Variants in CCL18 observed in about 807,000 individuals in gnomAD.
CCL18 encodes the protein C-C motif chemokine 18.
A neutral mutation model predicts 8.0 loss-of-function variants in CCL18; 7 were observed. The ratio of observed to expected loss-of-function variants is 0.87; its 90% CI spans 0.50 to 1.64. The LOEUF (loss-of-function observed/expected upper bound fraction) is 1.64. Ranked by LOEUF, CCL18 falls within the 40% of genes most tolerant of loss-of-function variation. The pLI is 0.00. For synonymous variants in CCL18, 35 were observed against 41.3 expected, an observed-to-expected ratio of 0.85 and a Z score of 0.59; for missense variants, 95 against 107.8, an observed-to-expected ratio of 0.88 and a Z score of 0.52.
intron 2 of CCL18, 104 bp from the exon 3 acceptor site, chr17:36,070,847 C>A: frequency 1.1e-6 from 1 of 891,404 alleles, no homozygotes; most frequent in Non-Finnish European, 1.9e-6. Flanking sequence ...ATTTTACGGG[C>A]ACGAGGACAG....
At chr17:36,064,475 C>T (rs1262675242) in intron 1 of CCL18, 66 bp downstream of exon 1, 1 of 1,262,658 alleles carries the variant, frequency 7.9e-7, no homozygotes, top group Admixed American at 1.9e-5. Context: ...CTTCCAAGTG[C>T]TGTGGCCTGA....
At chr17:36,067,541 G>T (rs1317324109) in intron 1 of CCL18, among the ~76,000 whole-genome samples, 3 of 152,098 alleles carry the variant, frequency 2.0e-5, no homozygotes, top group Non-Finnish European at 4.4e-5. Context: ...ACAAAAATTA[G>T]CTGGGCATAG....
rs371835115 is a variant in CCL18, at chr17:36,066,252, TA to T, written c.67+1847del. 5.5e-3 allele frequency among the ~76,000 whole-genome samples: 843 copies of T among 152,270 alleles called. 4 individuals carry two copies. The highest frequency in any genetic ancestry group is 0.011 in the East Asian group (56 of 5,186). Reference sequence around the variant, plus strand: ...TGTCCAGAGCATAGGGAAACAACTCTAAAATGAAGAAAGGACAAGGGTCAAG... The same window carrying T: ...TGTCCAGAGCATAGGGAAACAACTCTAAATGAAGAAAGGACAAGGGTCAAG... On this transcript the variant is annotated intron_variant, in intron 1 of 2. Transcript: ENST00000616054.
chr17:36,066,425 G>A (rs932043365), intron 1 of CCL18, among the ~76,000 whole-genome samples: 2 of 152,278 alleles, frequency 1.3e-5, no homozygotes, highest in East Asian at 1.9e-4. Context: ...CACCTACATC[G>A]TTCTGGGGTC....
At chr17:36,065,144 C>A (rs1279425719) in intron 1 of CCL18, among the ~76,000 whole-genome samples, 1 of 152,172 alleles carries the variant, frequency 6.6e-6, no homozygotes, top group East Asian at 1.9e-4. Flanking sequence ...ATTATAAAAC[C>A]AGTGGTGAGC....
intron 2 of CCL18, 152 bp downstream of exon 2, chr17:36,070,710 C>A (rs376716343): frequency 1.5e-6 from 1 of 648,002 alleles, no homozygotes. Flanking sequence ...CTGGGGCCTG[C>A]AGAGTCCTGA....
At chr17:36,070,602 G>A in intron 2 of CCL18, 44 bp downstream of exon 2, 1 of 1,244,452 alleles carries the variant, frequency 8.0e-7, no homozygotes, top group African/African-American at 1.5e-5. Context: ...GGGAGGATGG[G>A]AGGTTTGGGG....
rs551475525 is a variant in CCL18 at position 36,071,898 on chromosome 17, A to C, written c.*857A>C. ...GTCTAGCAAGGACTCCTTACCTGGAAGTTGCTGAAAGCCTTGGTAATGTTA... is the reference window on the plus strand; with the variant it reads ...GTCTAGCAAGGACTCCTTACCTGGACGTTGCTGAAAGCCTTGGTAATGTTA... On this transcript the variant is annotated 3_prime_UTR_variant, in exon 3 of 3. Transcript: ENST00000616054. The C allele has an allele frequency of 6.6e-6, 1 of 152,220 alleles. No individual in the cohort carries two copies. Among genetic ancestry groups the C allele is most frequent in the Non-Finnish European group, 1.5e-5 (1 of 68,044 alleles). The allele number at this position is 152,220 out of a possible 1,614,324, so 9.4% of individuals were successfully genotyped here.
intron 1 of CCL18, among the ~76,000 whole-genome samples, chr17:36,066,767 T>C (rs896184282): frequency 6.6e-6 from 1 of 152,232 alleles, no homozygotes; most frequent in Non-Finnish European, 1.5e-5. Context: ...CATGGTGTGA[T>C]GTAAATGGTC....
chr17:36,069,623 C>G (rs2066855388), intron 1 of CCL18, among the ~76,000 whole-genome samples: 2 of 152,152 alleles, frequency 1.3e-5, no homozygotes, highest in African/African-American at 4.8e-5. Context: ...CTCAGTCTCC[C>G]CAAGTTTATA....
intron 1 of CCL18, among the ~76,000 whole-genome samples, chr17:36,065,010 C>T (rs909340240): frequency 3.3e-5 from 5 of 152,142 alleles, no homozygotes; most frequent in Non-Finnish European, 5.9e-5. Flanking sequence ...CTTTGTGACC[C>T]GCCTGGGCTT....
chr17:36,067,461 C>G (rs2066843490), intron 1 of CCL18, among the ~76,000 whole-genome samples: 1 of 152,222 alleles, frequency 6.6e-6, no homozygotes, highest in Non-Finnish European at 1.5e-5. Context: ...CCGAGGCAAG[C>G]AGATCACCTG....
intron 1 of CCL18, among the ~76,000 whole-genome samples, chr17:36,064,803 G>GA (rs1369288296): frequency 4.6e-5 from 7 of 152,000 alleles, no homozygotes; most frequent in East Asian, 1.9e-4. Flanking sequence ...TAATCTATTA[G>GA]AAAAAAAATT....
intron 1 of CCL18, among the ~76,000 whole-genome samples, chr17:36,069,698 G>A (rs1568527531): frequency 6.6e-6 from 1 of 152,160 alleles, no homozygotes; most frequent in African/African-American, 2.4e-5. Context: ...AGGAGGCAGC[G>A]GCTACAAGTC....
At chr17:36,069,818 C>A (rs984267266) in intron 1 of CCL18, among the ~76,000 whole-genome samples, 3 of 152,204 alleles carry the variant, frequency 2.0e-5, no homozygotes, top group African/African-American at 7.2e-5. Flanking sequence ...CCTCTGCCCC[C>A]AGGCCCGCTG....
intron 1 of CCL18, 45 bp from the exon 2 acceptor site, chr17:36,070,402 C>T (rs377712313): frequency 8.2e-7 from 1 of 1,215,888 alleles, no homozygotes; most frequent in African/African-American, 1.5e-5. Flanking sequence ...AGCTGGCTTG[C>T]CTTGTGAACA....
intron 1 of CCL18, among the ~76,000 whole-genome samples, chr17:36,065,939 T>C (rs886565947): frequency 2.6e-5 from 4 of 152,148 alleles, no homozygotes; most frequent in Non-Finnish European, 5.9e-5. Context: ...GACCATCGTC[T>C]CTAAATCGCT....
intron 1 of CCL18, 95 bp from the exon 2 acceptor site, chr17:36,070,352 T>C (rs1047973598): frequency 8.3e-6 from 6 of 720,062 alleles, no homozygotes. Flanking sequence ...CGGTGATATC[T>C]CCCAGTTCTT....
intron 1 of CCL18, among the ~76,000 whole-genome samples, chr17:36,070,106 A>G (rs1311344663): frequency 6.6e-6 from 1 of 152,130 alleles, no homozygotes; most frequent in Admixed American, 6.5e-5. Context: ...ATTGGTTCTC[A>G]GTGGTGTGGC....
Sources: allele counts gnomAD v4.1 joint callset (sites outside exome capture counted in the v4.1 genomes callset), GRCh38; gene constraint gnomAD v4.1.1; transcripts MANE v1.5; gene names NCBI Gene and HGNC (gene_info 2026-07-23, HGNC 2026-07-21).